Variants in NEGR1 observed in about 807,000 individuals in gnomAD.
NEGR1 encodes IgLON family member 4.
In NEGR1, 10 loss-of-function variants were observed where a neutral mutation model predicts 40.9. The observed-to-expected ratio is 0.24, with a 90% CI of 0.15 to 0.42. NEGR1 has a LOEUF of 0.42. Ranked by LOEUF, NEGR1 falls within the 10% of genes least tolerant of loss-of-function variation. The pLI, the probability that NEGR1 is intolerant of heterozygous loss-of-function variation, is 1.00. For synonymous variants in NEGR1, 185 were observed against 166.8 expected, an observed-to-expected ratio of 1.11 and a Z score of -0.84; for missense variants, 352 against 438.9, an observed-to-expected ratio of 0.80 and a Z score of 1.77.
chr1:72,167,922 C>T (rs1276349188), intron 1 of NEGR1, among the ~76,000 whole-genome samples: 1 of 151,360 alleles, frequency 6.6e-6, no homozygotes, highest in African/African-American at 2.4e-5. Context: ...ACAAATGAGA[C>T]TTTGTAAAAA....
At chr1:71,576,906 A>C (rs550135718) in intron 6 of NEGR1, among the ~76,000 whole-genome samples, 1 of 152,332 alleles carries the variant, frequency 6.6e-6, no homozygotes, top group Admixed American at 6.5e-5. Flanking sequence ...AATGTTACAA[A>C]CTGGAACAAA....
intron 2 of NEGR1, among the ~76,000 whole-genome samples, chr1:71,806,597 GC>G (rs1020651909): frequency 1.3e-5 from 2 of 151,744 alleles, no homozygotes; most frequent in Non-Finnish European, 2.9e-5. Flanking sequence ...TATAATATAG[GC>G]AAAACTTCAT....
chr1:71,815,583 G>C (rs1018810613), intron 2 of NEGR1, among the ~76,000 whole-genome samples: 18 of 151,930 alleles, frequency 1.2e-4, no homozygotes, highest in Admixed American at 7.9e-4. Flanking sequence ...TATGAACCTG[G>C]GTGCTGCTGT....
chr1:71,920,018 T>A (rs1395192747), intron 2 of NEGR1, among the ~76,000 whole-genome samples: 5 of 152,148 alleles, frequency 3.3e-5, no homozygotes, highest in Non-Finnish European at 4.4e-5. Flanking sequence ...CCTCTCAGTA[T>A]TGAATGGCTC....
intron 6 of NEGR1, among the ~76,000 whole-genome samples, chr1:71,496,437 G>T (rs1303323401): frequency 6.6e-6 from 1 of 152,130 alleles, no homozygotes; most frequent in African/African-American, 2.4e-5. Context: ...GTAAAAAAAG[G>T]GGATAGAAAG....
At chr1:71,728,792 CG>C (rs1654759914) in intron 3 of NEGR1, among the ~76,000 whole-genome samples, 1 of 152,040 alleles carries the variant, frequency 6.6e-6, no homozygotes, top group African/African-American at 2.4e-5. Flanking sequence ...TGCTCATTAG[CG>C]TAAGTTTTCT....
chr1:71,501,080 G>A (rs1309701764), intron 6 of NEGR1, among the ~76,000 whole-genome samples: 1 of 151,910 alleles, frequency 6.6e-6, no homozygotes, highest in Non-Finnish European at 1.5e-5. Context: ...CAATAAGATT[G>A]ACATTAATAT....
At chr1:71,925,909 G>A (rs570491491) in intron 2 of NEGR1, among the ~76,000 whole-genome samples, 1 of 151,900 alleles carries the variant, frequency 6.6e-6, no homozygotes, top group African/African-American at 2.4e-5. Context: ...CATTGCACTG[G>A]GATTTGACAT....
intron 2 of NEGR1, among the ~76,000 whole-genome samples, chr1:71,851,030 T>C (rs1659582421): frequency 6.6e-6 from 1 of 152,178 alleles, no homozygotes; most frequent in Non-Finnish European, 1.5e-5. Context: ...AAGATGAGCG[T>C]GTGTTTCCTG....
At chr1:71,437,851 A>T (rs1202196440) in intron 6 of NEGR1, among the ~76,000 whole-genome samples, 1 of 152,152 alleles carries the variant, frequency 6.6e-6, no homozygotes, top group East Asian at 1.9e-4. Context: ...TCCAGGTCAG[A>T]CATTGAGAAA....
chr1:71,763,222 A>C (rs1656008448), intron 3 of NEGR1, among the ~76,000 whole-genome samples: 1 of 152,168 alleles, frequency 6.6e-6, no homozygotes, highest in South Asian at 2.1e-4. Context: ...TTGATGTCAT[A>C]TATGTTATAC....
At chr1:71,856,631 C>T (rs1198078190) in intron 2 of NEGR1, among the ~76,000 whole-genome samples, 7 of 151,940 alleles carry the variant, frequency 4.6e-5, no homozygotes, top group Admixed American at 4.6e-4. Flanking sequence ...AACAGAATTC[C>T]AGCATTATTA....
At chr1:72,251,780 A>C (rs1012692451) in intron 1 of NEGR1, among the ~76,000 whole-genome samples, 2 of 152,080 alleles carry the variant, frequency 1.3e-5, no homozygotes, top group Non-Finnish European at 2.9e-5. Context: ...TGTACACATT[A>C]TTTTGTTTGA....
intron 1 of NEGR1, among the ~76,000 whole-genome samples, chr1:72,232,493 A>G (rs1459450275): frequency 2.0e-5 from 3 of 152,196 alleles, no homozygotes; most frequent in African/African-American, 7.2e-5. Flanking sequence ...AAATATCCTC[A>G]GGTAGCAGAA....
At chr1:71,566,000 T>C (rs1648608851) in intron 6 of NEGR1, among the ~76,000 whole-genome samples, 1 of 152,052 alleles carries the variant, frequency 6.6e-6, no homozygotes. Context: ...ATTGGAGTTA[T>C]GTTGCCACGA....
chr1:71,553,832 C>A (rs1648163692), intron 6 of NEGR1, among the ~76,000 whole-genome samples: 1 of 151,356 alleles, frequency 6.6e-6, no homozygotes, highest in Non-Finnish European at 1.5e-5. Context: ...AGATATAGCA[C>A]AAATATCTTC....
intron 1 of NEGR1, among the ~76,000 whole-genome samples, chr1:72,121,945 T>G (rs1341012736): frequency 2.6e-5 from 4 of 151,960 alleles, no homozygotes; most frequent in African/African-American, 9.7e-5. Context: ...ATTTTAAGGT[T>G]CATATGCAAA....
rs556706999 is a variant in NEGR1 at position 71,680,128 on chromosome 1, T to C, written c.667+17880A>G. Among the ~76,000 whole-genome samples the C allele has an allele frequency of 4.0e-5, 6 of 151,802 alleles. 1 individual carries two copies. Among genetic ancestry groups the C allele is most frequent in the South Asian group, 2.1e-4 (1 of 4,830 alleles). ...TAGTTATCAAATTATTAGAGCCTCA[T>C]AAAATTATTTGAAAGTTTTCTTTTT... On this transcript the variant is annotated intron_variant, in intron 4 of 6. Transcript: ENST00000357731.
intron 2 of NEGR1, among the ~76,000 whole-genome samples, chr1:71,873,139 A>AAAG (rs1660327697): frequency 6.6e-6 from 1 of 150,538 alleles, no homozygotes; most frequent in Non-Finnish European, 1.5e-5. Context: ...AAAAAAAAAA[A>AAAG]GACAAATAGA....
Sources: allele counts gnomAD v4.1 joint callset (sites outside exome capture counted in the v4.1 genomes callset), GRCh38; gene constraint gnomAD v4.1.1; transcripts MANE v1.5; gene names NCBI Gene and HGNC (gene_info 2026-07-23, HGNC 2026-07-21).